Variants in CCDC149 observed in about 807,000 individuals in gnomAD.
CCDC149 encodes the protein coiled-coil domain containing 149.
In CCDC149, 45 loss-of-function variants were observed where a neutral mutation model predicts 59.9. The observed-to-expected ratio is 0.75, with a 90% CI of 0.59 to 0.96. The LOEUF (loss-of-function observed/expected upper bound fraction) is 0.96. CCDC149 is among the 40% of genes least tolerant of loss of function. CCDC149 has a pLI of 0.00. For synonymous variants in CCDC149, 245 were observed against 260.6 expected, an observed-to-expected ratio of 0.94 and a Z score of 0.58; for missense variants, 584 against 664.7, an observed-to-expected ratio of 0.88 and a Z score of 1.33.
chr4:24,969,094 T>C lies in CCDC149; in HGVS notation c.-65+10975A>G, dbSNP rs139793917. Among the ~76,000 whole-genome samples the C allele has an allele frequency of 4.0e-3, 615 of 152,310 alleles. 6 individuals are homozygous for C. The highest frequency in any genetic ancestry group is 0.014 in the African/African-American group (591 of 41,560). ...ACTGATGAGACAGATCAATAAGCAT[T>C]TGAGCCTGTCCCTGCCCATGCAAGA... On this transcript the variant is annotated intron_variant, in intron 1 of 12. Transcript: ENST00000389609.
At position 24,837,283 on chromosome 4, in the gene CCDC149, G is replaced by C; in HGVS notation, c.607C>G (p.Leu203Val). ...ATGATGCGGTTCTCGTGCCCACTCAGGATATGGTTCAGCTCCTGGTTGAGC... is the reference window on the plus strand; with the variant it reads ...ATGATGCGGTTCTCGTGCCCACTCACGATATGGTTCAGCTCCTGGTTGAGC... Residue 203 changes from leucine to valine, a missense_variant, in exon 6 of 13, where the codon CTG becomes GTG. By Grantham distance (32) the Leu-to-Val change is conservative. Transcript: ENST00000635206. This position sits in a 1 kb window ranked among gnomAD's most constrained non-coding sequence, Gnocchi z 4.3. The C allele has an allele frequency of 1.2e-6, 2 of 1,614,198 alleles. No homozygotes were observed. Among genetic ancestry groups the C allele is most frequent in the South Asian group, 2.2e-5 (2 of 91,086 alleles).
chr4:24,958,480 C>G (rs1035406801), intron 1 of CCDC149, among the ~76,000 whole-genome samples: 1 of 152,158 alleles, frequency 6.6e-6, no homozygotes, highest in Non-Finnish European at 1.5e-5. Flanking sequence ...GAGATGGGCA[C>G]ATAACATTGA....
At chr4:24,880,865 A>T (rs1251785430) in intron 1 of CCDC149, among the ~76,000 whole-genome samples, 2 of 152,216 alleles carry the variant, frequency 1.3e-5, no homozygotes, top group African/African-American at 4.8e-5. Flanking sequence ...CACACTCCCC[A>T]GGACTCGTTT....
intron 1 of CCDC149, among the ~76,000 whole-genome samples, chr4:24,891,999 A>C (rs1455306982): frequency 6.6e-6 from 1 of 152,294 alleles, no homozygotes; most frequent in East Asian, 1.9e-4. Flanking sequence ...ACCCTGTCTC[A>C]AAAAAGAAAA....
intron 3 of CCDC149, among the ~76,000 whole-genome samples, chr4:24,863,216 C>A (rs1199127259): frequency 6.6e-6 from 1 of 151,918 alleles, no homozygotes; most frequent in East Asian, 1.9e-4. Context: ...TTGCTTGAAC[C>A]CAGAGGTGGA....
chr4:24,931,310 A>AAAATATATATATATATATATAT (rs1553862434), intron 1 of CCDC149, among the ~76,000 whole-genome samples: 1 of 138,264 alleles, frequency 7.2e-6, no homozygotes, highest in Non-Finnish European at 1.5e-5. Context: ...TTTATTTTAA[A>AAAATATATATATATATATATAT]ATATATATAT....
intron 2 of CCDC149, among the ~76,000 whole-genome samples, chr4:24,875,032 G>A (rs1719322058): frequency 6.6e-6 from 1 of 152,202 alleles, no homozygotes; most frequent in African/African-American, 2.4e-5. Flanking sequence ...TTAAAGGCTG[G>A]GCACGGTGGC....
chr4:24,849,668 A>C, intron 4 of CCDC149, among the ~76,000 whole-genome samples: 1 of 152,222 alleles, frequency 6.6e-6, no homozygotes, highest in South Asian at 2.1e-4. Flanking sequence ...AGTCTACCCT[A>C]AAATATCCAA....
chr4:24,894,036 A>G (rs1047264522), intron 1 of CCDC149, among the ~76,000 whole-genome samples: 1 of 152,200 alleles, frequency 6.6e-6, no homozygotes, highest in Non-Finnish European at 1.5e-5. Flanking sequence ...AGACTTCAGA[A>G]TCAGAGAAAC....
chr4:24,885,216 C>G (rs972028861), intron 1 of CCDC149, among the ~76,000 whole-genome samples: 7 of 152,072 alleles, frequency 4.6e-5, no homozygotes, highest in Non-Finnish European at 5.9e-5. Context: ...TCAGGAGCTC[C>G]GAGGGGCTTT....
At chr4:24,815,303 T>C (rs1466271951) in intron 12 of CCDC149, among the ~76,000 whole-genome samples, 1 of 152,188 alleles carries the variant, frequency 6.6e-6, no homozygotes. Context: ...TGCACAAACA[T>C]TTATCTGCAT....
At chr4:24,972,098 T>C (rs1393973800) in intron 1 of CCDC149, among the ~76,000 whole-genome samples, 1 of 152,146 alleles carries the variant, frequency 6.6e-6, no homozygotes, top group African/African-American at 2.4e-5. Context: ...CCCAACCACC[T>C]TGGGCACATT....
chr4:24,977,416 A>T (rs906449526), intron 1 of CCDC149, among the ~76,000 whole-genome samples: 1 of 152,278 alleles, frequency 6.6e-6, no homozygotes, highest in Non-Finnish European at 1.5e-5. Flanking sequence ...AACCACGTGC[A>T]TTCATTTTAC....
chr4:24,940,377 A>C (rs1197798266), intron 1 of CCDC149, among the ~76,000 whole-genome samples: 1 of 152,184 alleles, frequency 6.6e-6, no homozygotes, highest in East Asian at 1.9e-4. Flanking sequence ...GCCTGCCCTA[A>C]AAGAGCTCCT....
chr4:24,843,264 T>G (rs1468229823), intron 4 of CCDC149, among the ~76,000 whole-genome samples: 1 of 152,212 alleles, frequency 6.6e-6, no homozygotes, highest in Non-Finnish European at 1.5e-5. Flanking sequence ...GAAAGAATCA[T>G]TAACAGGAAG....
intron 1 of CCDC149, among the ~76,000 whole-genome samples, chr4:24,945,596 G>A (rs964557962): frequency 1.3e-5 from 2 of 149,242 alleles, no homozygotes; most frequent in African/African-American, 5.0e-5. Flanking sequence ...AAGCCACTCT[G>A]TTTATGATAA....
At chr4:24,975,828 G>T (rs1335521820) in intron 1 of CCDC149, among the ~76,000 whole-genome samples, 1 of 152,012 alleles carries the variant, frequency 6.6e-6, no homozygotes, top group Non-Finnish European at 1.5e-5. Context: ...TTTGAATTTT[G>T]TAATTAGAAA....
chr4:24,803,573 T>C (rs1478658553), downstream of CCDC149, among the ~76,000 whole-genome samples: 3 of 152,322 alleles, frequency 2.0e-5, no homozygotes, highest in East Asian at 3.9e-4. The surrounding 1 kb of genome is among the most constrained non-coding windows in gnomAD (Gnocchi z 4.3). Context: ...AGTTATGATA[T>C]ACAATGACCA....
At chr4:24,864,868 T>C (rs534842696) in intron 3 of CCDC149, among the ~76,000 whole-genome samples, 38 of 152,292 alleles carry the variant, frequency 2.5e-4, no homozygotes, top group Middle Eastern at 3.4e-3. Context: ...GTAAAACCCA[T>C]GGATATGGAG....
Sources: gnomAD v4.1 joint callset for allele counts (sites outside exome capture counted in the v4.1 genomes callset) on GRCh38, gnomAD v4.1.1 for gene constraint, Gnocchi (gnomAD v3.1) non-coding constraint, MANE v1.5 for transcripts, NCBI Gene and HGNC (gene_info 2026-07-23, HGNC 2026-07-21) for gene names.